Variants in PDIA3 observed in about 807,000 individuals in gnomAD.
PDIA3 encodes protein disulfide isomerase family A member 3, also known as protein disulfide-isomerase A3.
PDIA3 carries 16 observed loss-of-function variants against 56.9 expected under a neutral mutation model. The ratio of observed to expected loss-of-function variants is 0.28; its 90% CI spans 0.19 to 0.43. PDIA3 has a LOEUF of 0.43. Among genes scored for constraint, PDIA3 ranks in the 20% least tolerant of loss-of-function variants. PDIA3 has a pLI of 1.00. For missense variants in PDIA3, 485 were observed against 621.3 expected (o/e 0.78, Z 2.33); for synonymous variants, 192 against 216.5 (o/e 0.89, Z 0.99).
rs2086827056 is a variant in PDIA3, at chr15:43,763,091, T to G, written c.487T>G (p.Ser163Ala). The change falls in exon 5 of 13, where the codon TCA becomes GCA. Residue 163 changes from serine to alanine, a missense_variant. Coordinates refer to ENST00000300289, the MANE Select transcript of PDIA3 (RefSeq NM_005313.5). The stretch of plus-strand genomic sequence containing the variant: ...TTTCTGTATAGGTTTTTTCGATGAT[T>G]CATTCAGTGAGGCTCACTCCGAGTT... The part of the protein sequence containing the change: ...DASIVGFFDD[S>A]FSEAHSEFLK... 6.2e-7 allele frequency: 1 copy of G among 1,613,968 alleles called. No individual in the cohort carries two copies. The highest frequency in any genetic ancestry group is 8.5e-7 in the Non-Finnish European group (1 of 1,179,938).
At chr15:43,762,984 TGTTTATG>T (rs2086826200) in intron 4 of PDIA3, 86 bp from the exon 5 acceptor site, 3 of 1,240,572 alleles carry the variant, frequency 2.4e-6, no homozygotes, top group East Asian at 2.4e-5. Context: ...TAGAATGAAA[TGTTTATG>T]GTTTATGGAA....
chr15:43,755,798 C>A (rs968135701), intron 2 of PDIA3, among the ~76,000 whole-genome samples: 1 of 151,990 alleles, frequency 6.6e-6, no homozygotes, highest in African/African-American at 2.4e-5. Flanking sequence ...CCTGCAATCC[C>A]AGCTACTCGG....
intron 8 of PDIA3, among the ~76,000 whole-genome samples, chr15:43,767,824 G>A (rs949878584): frequency 1.4e-4 from 20 of 147,224 alleles, no homozygotes; most frequent in Non-Finnish European, 2.7e-4. Context: ...AGCCTCCTTT[G>A]GGCCAGATGT....
In PDIA3 at chr15:43,746,447, A is replaced by T; in HGVS notation, c.-93A>T. On this transcript the variant is annotated 5_prime_UTR_variant, in exon 1 of 13. Transcript: ENST00000300289. The stretch of plus-strand genomic sequence containing the variant: ...CAGGTCCGCCTGGGCCAGACGCGCG[A>T]GCGCAAGCAGCGGGTTAGTGGTCGC... 7.9e-7 allele frequency: 1 copy of T among 1,260,952 alleles called. No individual in the cohort carries two copies. The highest frequency in any genetic ancestry group is 1.0e-6 in the Non-Finnish European group (1 of 956,934). The allele number at this position is 1,260,952 out of a possible 1,614,324, so 78.1% of individuals were successfully genotyped here. A position where few individuals can be genotyped will look rare whatever the true frequency, so the allele number is the denominator to read the frequency against.
rs770752361 is a variant in PDIA3, at chr15:43,765,940, AG to A, written c.775del (p.Asp259ThrfsTer25). 1 of 1,613,458 alleles carries A rather than the reference AG, an allele frequency of 6.2e-7. No homozygotes were observed. On this transcript the variant is annotated frameshift_variant, in exon 7 of 13. Coordinates refer to ENST00000300289, the MANE Select transcript of PDIA3 (RefSeq NM_005313.5). LOFTEE classifies it high-confidence loss of function. ...TEDNKDLIQGKDLLIAYYDVD... is the reference protein window; with the variant it reads ...TEDNKDLIQGXDLLIAYYDVD... ...GACAATAAAGATTTGATACAGGGCAAGGACTTACTTATTGCTTACTATGATG... is the reference window on the plus strand; with the variant it reads ...GACAATAAAGATTTGATACAGGGCAAGACTTACTTATTGCTTACTATGATG...
Position 43,766,373 on chromosome 15 carries a change from A to G in PDIA3, c.846-355A>G, listed in dbSNP as rs569060169. Among the ~76,000 whole-genome samples the G allele has an allele frequency of 6.8e-4, 103 of 152,304 alleles. 2 individuals carry two copies. In the South Asian group the frequency reaches 0.02, roughly 30 times the overall value. ...AAGGTGGAAATTTGATATAAAATGC[A>G]CTTAAAACATTGTGCTTACTTGCAC... is the stretch of plus-strand genomic sequence containing the variant. On this transcript the variant is annotated intron_variant, in intron 7 of 12. Transcript: ENST00000300289.
chr15:43,766,961 T>A (rs1353851037), intron 8 of PDIA3, 51 bp downstream of exon 8: 6 of 1,471,840 alleles, frequency 4.1e-6, no homozygotes, highest in Middle Eastern at 3.5e-4. Context: ...TAAAGCCTTT[T>A]ATACTACAAA....
At chr15:43,770,457 G>A (rs1322033524) in intron 11 of PDIA3, 66 bp from the exon 12 acceptor site, 1 of 1,385,400 alleles carries the variant, frequency 7.2e-7, no homozygotes, top group Non-Finnish European at 1.0e-6. Context: ...ATTCCTTCTT[G>A]GCTTAAGAGT....
At position 43,746,509 on chromosome 15, in the gene PDIA3, C is replaced by A; in HGVS notation, c.-31C>A. ...CCGCAGTCCCAGCCGAGCCGCGACCCTTCCGGCCGTCCCCACCCCACCTCG... is the reference window on the plus strand; with the variant it reads ...CCGCAGTCCCAGCCGAGCCGCGACCATTCCGGCCGTCCCCACCCCACCTCG... On this transcript the variant is annotated 5_prime_UTR_variant, in exon 1 of 13. Coordinates refer to ENST00000300289, the MANE Select transcript of PDIA3 (RefSeq NM_005313.5). 1 of 1,546,662 alleles carries A rather than the reference C, an allele frequency of 6.5e-7. No homozygotes were observed. The highest frequency in any genetic ancestry group is 8.7e-7 in the Non-Finnish European group (1 of 1,148,604).
chr15:43,769,471 A>G, intron 9 of PDIA3, 47 bp from the exon 10 acceptor site: 1 of 1,591,162 alleles, frequency 6.3e-7, no homozygotes, highest in Non-Finnish European at 8.6e-7. Flanking sequence ...ACAGTTGTGA[A>G]TTTATTTTTT....
At chr15:43,760,145 C>T (rs2086804930) in intron 3 of PDIA3, among the ~76,000 whole-genome samples, 1 of 151,896 alleles carries the variant, frequency 6.6e-6, no homozygotes, top group Non-Finnish European at 1.5e-5. Flanking sequence ...AATCCCAGCA[C>T]TTTGGGAAGC....
chr15:43,747,551 A>T (rs1360155243), intron 1 of PDIA3, among the ~76,000 whole-genome samples: 1 of 151,574 alleles, frequency 6.6e-6, no homozygotes, highest in Admixed American at 6.6e-5. Flanking sequence ...AGTCAACTTG[A>T]GTGTTTGTTT....
At chr15:43,769,447 G>C in intron 9 of PDIA3, 71 bp from the exon 10 acceptor site, 2 of 1,431,776 alleles carry the variant, frequency 1.4e-6, no homozygotes, top group Non-Finnish European at 2.0e-6. Context: ...GAGGGATTGG[G>C]TCTAGGAACA....
chr15:43,753,789 A>G, intron 1 of PDIA3, 35 bp from the exon 2 acceptor site: 3 of 1,404,540 alleles, frequency 2.1e-6, no homozygotes, highest in Non-Finnish European at 3.0e-6. Flanking sequence ...TCATAGGACT[A>G]AACTGAGAAT....
chr15:43,750,157 C>A (rs1412222728), intron 1 of PDIA3, among the ~76,000 whole-genome samples: 3 of 148,542 alleles, frequency 2.0e-5, no homozygotes, highest in African/African-American at 7.5e-5. Context: ...ACCTCCGCCT[C>A]CCCTGTCTGG....
In PDIA3 at chr15:43,769,746, T is replaced by C. The variant is rs950267074; in HGVS notation, c.1266+100T>C. ...AATTTGGTTGGTTCCTAAGTACTGA[T>C]AGATTTTTTTCCCAATTACTTGCTG... On this transcript the variant is annotated intron_variant, in intron 10 of 12. Transcript: ENST00000300289. 3.1e-6 allele frequency: 4 copies of C among 1,300,510 alleles called. No homozygotes were observed. In the African/African-American group the frequency reaches 4.4e-5, roughly 14 times the overall value. 80.6% of individuals were successfully genotyped at this position (1,300,510 alleles called of 1,614,324 possible).
chr15:43,749,907 A>G (rs1396973671), intron 1 of PDIA3, among the ~76,000 whole-genome samples: 1 of 151,986 alleles, frequency 6.6e-6, no homozygotes, highest in Non-Finnish European at 1.5e-5. Context: ...AGATTGCACC[A>G]TTGCACTCCA....
intron 3 of PDIA3, among the ~76,000 whole-genome samples, chr15:43,760,721 CGG>C (rs942485040): frequency 2.0e-5 from 3 of 150,936 alleles, no homozygotes; most frequent in Non-Finnish European, 4.4e-5. Flanking sequence ...TTAGTGGAGA[CGG>C]GGTTTCACCG....
At chr15:43,751,710 C>T (rs1377022516) in intron 1 of PDIA3, 1 of 1,302,420 alleles carries the variant, frequency 7.7e-7, no homozygotes, top group South Asian at 1.2e-5. Context: ...AGCCTTGCAG[C>T]TTACACACAC....
Sources: gnomAD v4.1 joint callset for allele counts (sites outside exome capture counted in the v4.1 genomes callset) on GRCh38, gnomAD v4.1.1 for gene constraint, MANE v1.5 for transcripts, NCBI Gene and HGNC (gene_info 2026-07-23, HGNC 2026-07-21) for gene names.